CACNB2: variants seen among roughly 807,000 people sequenced by gnomAD.
CACNB2 encodes the protein voltage-dependent L-type calcium channel subunit beta-2.
CACNB2 carries 42 observed loss-of-function variants against 73.3 expected under a neutral mutation model. The ratio of observed to expected loss-of-function variants is 0.57; its 90% CI spans 0.45 to 0.74. CACNB2 has a LOEUF of 0.74. Among genes scored for constraint, CACNB2 ranks in the 30% least tolerant of loss-of-function variants. The probability of loss-of-function intolerance (pLI) is 0.00; values close to 1 mark genes in which losing one functional copy is unlikely to be tolerated. For missense variants in CACNB2, 940 were observed against 853.0 expected, an observed-to-expected ratio of 1.10 and a Z score of -1.27; for synonymous variants, 348 against 310.3, an observed-to-expected ratio of 1.12 and a Z score of -1.28.
At chr10:18,315,529 C>CT (rs34198861) in intron 2 of CACNB2, among the ~76,000 whole-genome samples, 1,361 of 65,558 alleles carry the variant, frequency 0.021, 99 homozygotes, top group African/African-American at 0.07. Context: ...AAAAAAAAAA[C>CT]TTTTTTTTTT....
rs141462321 is a variant in CACNB2 at position 18,157,919 on chromosome 10, A to AT, written c.213+6953dup. 2.8e-3 allele frequency among the ~76,000 whole-genome samples: 418 copies of AT among 151,656 alleles called. 4 individuals are homozygous for AT. The highest frequency in any genetic ancestry group is 9.7e-3 in the African/African-American group (401 of 41,402). On this transcript the variant is annotated intron_variant, in intron 2 of 13. Transcript: ENST00000324631. ...TTGTAAATTTTCACTAGGCATCATG[A>AT]TTTTTTTTTAGATCGGCATAATTCC...
At chr10:18,176,227 G>A (rs1345331775) in intron 2 of CACNB2, among the ~76,000 whole-genome samples, 6 of 152,082 alleles carry the variant, frequency 3.9e-5, no homozygotes, top group African/African-American at 1.4e-4. Context: ...CAGTTATTGC[G>A]GGGGTCAGTA....
At chr10:18,160,695 G>C (rs1278920421) in intron 2 of CACNB2, among the ~76,000 whole-genome samples, 1 of 152,130 alleles carries the variant, frequency 6.6e-6, no homozygotes, top group African/African-American at 2.4e-5. Flanking sequence ...TGTGTCTCAG[G>C]TCTTCCCAGG....
At chr10:18,462,391 C>T (rs2047629890) in intron 3 of CACNB2, among the ~76,000 whole-genome samples, 1 of 152,024 alleles carries the variant, frequency 6.6e-6, no homozygotes, top group Non-Finnish European at 1.5e-5. Flanking sequence ...GTAGCTAGCA[C>T]TACAGGTGCA....
At chr10:18,409,151 T>C (rs2044469401) in intron 3 of CACNB2, among the ~76,000 whole-genome samples, 1 of 151,984 alleles carries the variant, frequency 6.6e-6, no homozygotes, top group African/African-American at 2.4e-5. Context: ...ACAAAAAAAA[T>C]AGCTGGGTGT....
At chr10:18,286,487 C>T (rs1021517778) in intron 2 of CACNB2, among the ~76,000 whole-genome samples, 7 of 133,694 alleles carry the variant, frequency 5.2e-5, no homozygotes, top group Admixed American at 8.8e-5. Flanking sequence ...CACTGCACTC[C>T]GACCTGGGCA....
At chr10:18,441,854 C>A (rs935775144) in intron 3 of CACNB2, among the ~76,000 whole-genome samples, 15 of 152,182 alleles carry the variant, frequency 9.9e-5, no homozygotes, top group South Asian at 8.3e-4. Flanking sequence ...CTCCTGGACT[C>A]AAGTGGTTCA....
At chr10:18,456,709 C>A (rs369361004) in intron 3 of CACNB2, among the ~76,000 whole-genome samples, 1 of 152,252 alleles carries the variant, frequency 6.6e-6, no homozygotes, top group East Asian at 1.9e-4. Context: ...TGATGTTGAC[C>A]ATTCTAACTA....
In CACNB2 at chr10:18,503,617, A is replaced by G. The variant is rs2050328510; in HGVS notation, c.593+2669A>G. ...CAAACAAAAAAAAGAACCACCTTATATGGAAACATTTTGTTTTAATAGGGT... is the reference window on the plus strand; with the variant it reads ...CAAACAAAAAAAAGAACCACCTTATGTGGAAACATTTTGTTTTAATAGGGT... On this transcript the variant is annotated intron_variant, in intron 5 of 13. Coordinates refer to ENST00000324631, the MANE Select transcript of CACNB2 (RefSeq NM_201596.3). Among the ~76,000 whole-genome samples the G allele has an allele frequency of 2.0e-5, 3 of 152,170 alleles. No individual in the cohort carries two copies. In the South Asian group the frequency reaches 6.2e-4, roughly 31 times the overall value.
Position 18,364,891 on chromosome 10 carries a change from C to T in CACNB2, c.214-37033C>T, listed in dbSNP as rs186269306. On this transcript the variant is annotated intron_variant, in intron 2 of 13. Transcript: ENST00000324631. ...ATGTATAATAGGGTTTAAAAGTGAT[C>T]GGAGATTAAAGAATTATCATAAAAT... Among the ~76,000 whole-genome samples, 202 of 152,190 alleles carry T rather than the reference C, an allele frequency of 1.3e-3. 1 individual carries two copies. The highest frequency in any genetic ancestry group is 4.5e-3 in the African/African-American group (185 of 41,488).
chr10:18,250,720 A>G (rs990492608), intron 2 of CACNB2, among the ~76,000 whole-genome samples: 3 of 152,220 alleles, frequency 2.0e-5, no homozygotes, highest in African/African-American at 7.2e-5. Context: ...TGAATGAAAC[A>G]AGATCCATCT....
At chr10:18,412,681 C>T (rs1387205640) in intron 3 of CACNB2, among the ~76,000 whole-genome samples, 1 of 152,234 alleles carries the variant, frequency 6.6e-6, no homozygotes, top group Non-Finnish European at 1.5e-5. Flanking sequence ...CTTCTACTAC[C>T]ACTCTGGTGG....
intron 2 of CACNB2, among the ~76,000 whole-genome samples, chr10:18,219,186 A>G (rs1488679558): frequency 2.0e-5 from 3 of 152,024 alleles, no homozygotes; most frequent in Non-Finnish European, 4.4e-5. Context: ...AAATACTTCT[A>G]CCTCCAGAAT....
chr10:18,434,645 C>T (rs972975191), intron 3 of CACNB2, among the ~76,000 whole-genome samples: 2 of 152,140 alleles, frequency 1.3e-5, no homozygotes, highest in African/African-American at 4.8e-5. Context: ...AAACAATCCA[C>T]CCACCTTGGC....
chr10:18,311,167 G>C (rs2039950362), intron 2 of CACNB2, among the ~76,000 whole-genome samples: 1 of 152,058 alleles, frequency 6.6e-6, no homozygotes, highest in African/African-American at 2.4e-5. Context: ...TGGTTTATCT[G>C]CTTATTTTGG....
chr10:18,508,361 C>T (rs541688016), intron 6 of CACNB2, among the ~76,000 whole-genome samples: 4 of 152,272 alleles, frequency 2.6e-5, no homozygotes, highest in Admixed American at 6.5e-5. Flanking sequence ...TTGATAATTA[C>T]GGAGCCCCTG....
intron 2 of CACNB2, among the ~76,000 whole-genome samples, chr10:18,155,415 C>T (rs2031961608): frequency 6.6e-6 from 1 of 152,190 alleles, no homozygotes; most frequent in Admixed American, 6.5e-5. Context: ...TGTGATTTTA[C>T]AGCATTCCAC....
At chr10:18,188,400 G>C (rs547737957) in intron 2 of CACNB2, among the ~76,000 whole-genome samples, 102 of 152,194 alleles carry the variant, frequency 6.7e-4, no homozygotes, top group African/African-American at 2.1e-3. Context: ...TCCAACTCCT[G>C]GGTTCAAGCA....
intron 2 of CACNB2, among the ~76,000 whole-genome samples, chr10:18,170,163 G>A (rs193165989): frequency 6.6e-6 from 1 of 152,240 alleles, no homozygotes; most frequent in Non-Finnish European, 1.5e-5. Flanking sequence ...GTTCACTTTA[G>A]AGGTGGGAGA....
Sources: allele counts gnomAD v4.1 joint callset (sites outside exome capture counted in the v4.1 genomes callset), GRCh38; gene constraint gnomAD v4.1.1; transcripts MANE v1.5; gene names NCBI Gene and HGNC (gene_info 2026-07-23, HGNC 2026-07-21).